The following NDUFAF7 variants were observed in gnomAD, a reference collection of about 807,000 sequenced individuals.
NDUFAF7 encodes the protein NADH:ubiquinone oxidoreductase complex assembly factor 7.
In NDUFAF7, 48 loss-of-function variants were observed where a neutral mutation model predicts 47.2. The ratio of observed to expected loss-of-function variants is 1.02; its 90% CI spans 0.81 to 1.29. NDUFAF7 has a LOEUF of 1.29. NDUFAF7 is among the 50% of genes most tolerant of loss of function. NDUFAF7 has a pLI of 0.00. For synonymous variants in NDUFAF7, 217 were observed against 190.0 expected, an observed-to-expected ratio of 1.14 and a Z score of -1.17; for missense variants, 635 against 537.6, an observed-to-expected ratio of 1.18 and a Z score of -1.79.
At chr2:37,254,983 A>G (rs1667816123), downstream of NDUFAF7, among the ~76,000 whole-genome samples, 1 of 152,236 alleles carries the variant, frequency 6.6e-6, no homozygotes, top group Admixed American at 6.5e-5. Flanking sequence ...CTACAGCCCT[A>G]TATAATGGTA....
At chr2:37,243,686 C>T (rs1018079013) in intron 6 of NDUFAF7, among the ~76,000 whole-genome samples, 177 bp from the exon 7 acceptor site, 2 of 151,998 alleles carry the variant, frequency 1.3e-5, no homozygotes, top group Admixed American at 6.6e-5. Flanking sequence ...TCTTTTGCAT[C>T]GATTGGTCTA....
the NDUFAF7 span, chr2:37,269,385 A>C: frequency 1.9e-6 from 1 of 527,610 alleles, no homozygotes; most frequent in South Asian, 2.1e-5. Flanking sequence ...AAGAAGAGAT[A>C]AAACACACTG....
chr2:37,267,502 A>G, the NDUFAF7 span: 1 of 1,611,446 alleles, frequency 6.2e-7, no homozygotes, highest in Non-Finnish European at 8.5e-7. Flanking sequence ...CAATTACTTT[A>G]ATAGCCACAT....
downstream of NDUFAF7, chr2:37,256,628 ATTTTTTT>A (rs56389006): frequency 0.066 from 77,246 of 1,165,672 alleles, 371 homozygotes; most frequent in East Asian, 0.11. Flanking sequence ...CATAGCCAAA[ATTTTTTT>A]TTTTTTTTTT....
At chr2:37,241,378 T>A (rs1331748267) in intron 4 of NDUFAF7, among the ~76,000 whole-genome samples, 200 bp from the exon 5 acceptor site, 3 of 152,210 alleles carry the variant, frequency 2.0e-5, no homozygotes, top group African/African-American at 7.2e-5. Flanking sequence ...AATTGTGCAT[T>A]GTTCATTTCT....
rs1667055952 is a variant in NDUFAF7, at chr2:37,247,511, T to C, written c.992T>C (p.Leu331Pro). The change falls in exon 9 of 10, where the codon CTA becomes CCA. Residue 331 changes from leucine (L) to proline (P), a missense_variant. Coordinates refer to ENST00000002125, the MANE Select transcript of NDUFAF7 (RefSeq NM_144736.5). ...DVLIAPGTAD[L>P]TADVDFSYLR... ...TTAATTGCCCCAGGAACAGCAGATC[T>C]AACAGCTGATGTGGACTTCAGTTAT... The C allele has an allele frequency of 6.2e-7, 1 of 1,614,080 alleles. No homozygotes were observed.
intron 4 of NDUFAF7, 115 bp from the exon 5 acceptor site, chr2:37,241,463 C>T: frequency 1.1e-6 from 1 of 875,886 alleles, no homozygotes. Context: ...GTAAGGAACA[C>T]ATCTCTCTGA....
chr2:37,239,955 T>C (rs974059966), intron 4 of NDUFAF7, among the ~76,000 whole-genome samples: 4 of 152,192 alleles, frequency 2.6e-5, no homozygotes, highest in Admixed American at 6.5e-5. Flanking sequence ...ATGGTAGATA[T>C]TCTCTCTTGT....
At chr2:37,262,112 T>G in the NDUFAF7 span, among the ~76,000 whole-genome samples, 1 of 152,214 alleles carries the variant, frequency 6.6e-6, no homozygotes, top group African/African-American at 2.4e-5. Context: ...TATGGAGATA[T>G]GACCCCGTCG....
chr2:37,257,074 A>G (rs2148483487), downstream of NDUFAF7: 1 of 963,060 alleles, frequency 1.0e-6, no homozygotes, highest in South Asian at 1.7e-5. Flanking sequence ...AGGAAATTGT[A>G]AAATATCCTT....
the NDUFAF7 span, chr2:37,267,566 G>A: frequency 6.9e-7 from 1 of 1,447,820 alleles, no homozygotes; most frequent in African/African-American, 1.4e-5. Flanking sequence ...AGGAACGAAT[G>A]AAGCAAACTG....
At chr2:37,251,156 C>A (rs955254097), downstream of NDUFAF7, 4 of 152,576 alleles carry the variant, frequency 2.6e-5, no homozygotes, top group South Asian at 2.1e-4. Context: ...TTTGGTGAAA[C>A]TGGGAAGTCA....
At chr2:37,237,481 C>T (rs72875779) in intron 3 of NDUFAF7, among the ~76,000 whole-genome samples, 2,560 of 152,210 alleles carry the variant, frequency 0.017, 43 homozygotes, top group African/African-American at 0.044. Context: ...ATACTAATAC[C>T]TTTCTGCTAG....
chr2:37,268,777 G>A, the NDUFAF7 span: 1 of 154,672 alleles, frequency 6.5e-6, no homozygotes, highest in Non-Finnish European at 1.4e-5. Flanking sequence ...AAGCAAAGAG[G>A]AAGCTGCAAT....
At chr2:37,262,119 G>A in the NDUFAF7 span, among the ~76,000 whole-genome samples, 3 of 152,246 alleles carry the variant, frequency 2.0e-5, no homozygotes, top group Admixed American at 2.0e-4. Context: ...ATATGACCCC[G>A]TCGCAAAATG....
downstream of NDUFAF7, chr2:37,251,677 T>C (rs1667509129): frequency 6.6e-6 from 1 of 152,136 alleles, no homozygotes; most frequent in African/African-American, 2.4e-5. Flanking sequence ...TCCTAGTTTT[T>C]AGTTTATTTG....
At chr2:37,253,714 T>C (rs1369184685), downstream of NDUFAF7, among the ~76,000 whole-genome samples, 1 of 152,198 alleles carries the variant, frequency 6.6e-6, no homozygotes, top group African/African-American at 2.4e-5. Flanking sequence ...TAGGATAATT[T>C]AGTAACTGGT....
At chr2:37,268,122 T>A in the NDUFAF7 span, 9 of 346,426 alleles carry the variant, frequency 2.6e-5, no homozygotes, top group South Asian at 1.8e-4. Flanking sequence ...ATGCTACAGA[T>A]TAAGCAGTGA....
At chr2:37,253,044 G>T, downstream of NDUFAF7, 1 of 884,056 alleles carries the variant, frequency 1.1e-6, no homozygotes, top group Non-Finnish European at 1.7e-6. Context: ...CTACAGTACT[G>T]GTGTCACTTA....
Sources: gnomAD v4.1 joint callset for allele counts (sites outside exome capture counted in the v4.1 genomes callset) on GRCh38, gnomAD v4.1.1 for gene constraint, MANE v1.5 for transcripts, NCBI Gene and HGNC (gene_info 2026-07-23, HGNC 2026-07-21) for gene names.